The following PLCL1 variants were observed in gnomAD, a reference collection of about 807,000 sequenced individuals.
PLCL1 encodes inactive phospholipase C-like protein 1.
A neutral mutation model predicts 84.4 loss-of-function variants in PLCL1; 41 were observed. The ratio of observed to expected loss-of-function variants is 0.49; its 90% CI spans 0.38 to 0.63. The LOEUF (loss-of-function observed/expected upper bound fraction) is 0.63. Among genes scored for constraint, PLCL1 ranks in the 30% least tolerant of loss-of-function variants. The pLI, the probability that PLCL1 is intolerant of heterozygous loss-of-function variation, is 0.00. For synonymous variants in PLCL1, 490 were observed against 488.3 expected (o/e 1.00, Z -0.05); for missense variants, 1,206 against 1,367.8 (o/e 0.88, Z 1.87).
At chr2:197,815,423 C>T (rs937271506) in intron 1 of PLCL1, among the ~76,000 whole-genome samples, 2 of 152,152 alleles carry the variant, frequency 1.3e-5, no homozygotes, top group African/African-American at 4.8e-5. Flanking sequence ...GTGGACAATG[C>T]ACCTGGTCAC....
chr2:197,884,959 G>A (rs1232955276), intron 1 of PLCL1, among the ~76,000 whole-genome samples: 1 of 151,970 alleles, frequency 6.6e-6, no homozygotes, highest in Non-Finnish European at 1.5e-5. Flanking sequence ...AAAAATAAAT[G>A]TCACCTTCTT....
intron 1 of PLCL1, among the ~76,000 whole-genome samples, chr2:197,886,310 GCTGAGGCA>G (rs1687920734): frequency 6.6e-6 from 1 of 150,464 alleles, no homozygotes. Flanking sequence ...TACTCAGGAG[GCTGAGGCA>G]GGAGAATTGC....
intron 1 of PLCL1, among the ~76,000 whole-genome samples, chr2:197,920,410 G>C (rs1688680199): frequency 6.6e-6 from 1 of 151,872 alleles, no homozygotes; most frequent in African/African-American, 2.4e-5. Flanking sequence ...GGAAGACTGA[G>C]ATTTCTTTCT....
At chr2:198,135,412 T>C (rs531686600) in intron 5 of PLCL1, among the ~76,000 whole-genome samples, 1 of 152,302 alleles carries the variant, frequency 6.6e-6, no homozygotes, top group South Asian at 2.1e-4. Context: ...CAGAGGGAGA[T>C]GATCACAATA....
At chr2:197,852,958 A>G (rs1687266625) in intron 1 of PLCL1, among the ~76,000 whole-genome samples, 1 of 152,154 alleles carries the variant, frequency 6.6e-6, no homozygotes. Context: ...ATTACCATCC[A>G]TCTCCAGAAC....
In PLCL1 at chr2:197,805,141, C is replaced by T. The variant is rs936437449; in HGVS notation, c.42C>T (p.Pro14=). Reference sequence around the variant, plus strand: ...CCGGCAGGGAGGATCCGGCGCCGCCCGACGCGGCGGGGGGCGAAGACGACC... The same window carrying T: ...CCGGCAGGGAGGATCCGGCGCCGCCTGACGCGGCGGGGGGCGAAGACGACC... ...GAAGREDPAP[P]DAAGGEDDPR... The change falls in exon 1 of 6, where the codon CCC becomes CCT. Residue 14 remains proline (P), a synonymous_variant. Coordinates refer to ENST00000428675, the MANE Select transcript of PLCL1 (RefSeq NM_006226.4). This position sits in a 1 kb window ranked among gnomAD's most constrained non-coding sequence, Gnocchi z 4.0. 2.3e-6 allele frequency: 3 copies of T among 1,311,462 alleles called. No individual in the cohort carries two copies. The highest frequency in any genetic ancestry group is 8.3e-5 in the Admixed American group (2 of 23,962). 81.2% of individuals were successfully genotyped at this position (1,311,462 alleles called of 1,614,324 possible). A position where few individuals can be genotyped will look rare whatever the true frequency, so the allele number is the denominator to read the frequency against.
chr2:198,133,188 A>C (rs927060844), intron 5 of PLCL1, among the ~76,000 whole-genome samples: 3 of 152,032 alleles, frequency 2.0e-5, no homozygotes, highest in Non-Finnish European at 4.4e-5. Flanking sequence ...ATGGAATACT[A>C]TGCAGCCATA....
chr2:197,923,264 C>T (rs1688754448), intron 1 of PLCL1, among the ~76,000 whole-genome samples: 2 of 148,850 alleles, frequency 1.3e-5, no homozygotes, highest in African/African-American at 2.5e-5. Flanking sequence ...GCTGACCCCC[C>T]CCACCTCCCT....
At chr2:198,114,793 GAA>G (rs1693699829) in intron 5 of PLCL1, among the ~76,000 whole-genome samples, 1 of 63,904 alleles carries the variant, frequency 1.6e-5, no homozygotes, top group Non-Finnish European at 3.6e-5. Flanking sequence ...TCACTTCTCT[GAA>G]TGTGTGTGTG....
In PLCL1 at chr2:197,807,170, C is replaced by T. The variant is rs1049769117; in HGVS notation, c.240+1831C>T. Among the ~76,000 whole-genome samples the T allele has an allele frequency of 1.2e-4, 19 of 152,086 alleles. 1 individual carries two copies. The highest frequency in any genetic ancestry group is 2.2e-4 in the Non-Finnish European group (15 of 67,992). On this transcript the variant is annotated intron_variant, in intron 1 of 5. Coordinates refer to ENST00000428675, the MANE Select transcript of PLCL1 (RefSeq NM_006226.4). ...AGCACATACATATAATTTAAAAAATCAAATGTTGCAAAGGAGTGTGAAGGA... is the reference window on the plus strand; with the variant it reads ...AGCACATACATATAATTTAAAAAATTAAATGTTGCAAAGGAGTGTGAAGGA...
intron 1 of PLCL1, among the ~76,000 whole-genome samples, chr2:198,075,182 G>C (rs1186586829): frequency 6.6e-6 from 1 of 152,154 alleles, no homozygotes; most frequent in African/African-American, 2.4e-5. Flanking sequence ...GCTGTGCAGG[G>C]GTCTCCTGAG....
At chr2:197,918,109 A>T (rs1688630735) in intron 1 of PLCL1, among the ~76,000 whole-genome samples, 2 of 152,236 alleles carry the variant, frequency 1.3e-5, no homozygotes, top group Admixed American at 1.3e-4. Flanking sequence ...TATATTCTCT[A>T]TACATACATA....
At chr2:198,059,943 G>A (rs1375253393) in intron 1 of PLCL1, among the ~76,000 whole-genome samples, 2 of 152,260 alleles carry the variant, frequency 1.3e-5, no homozygotes, top group Admixed American at 6.5e-5. Flanking sequence ...AAGGTGTCAG[G>A]TTGGCAGGGC....
chr2:198,063,705 T>C (rs930569029), intron 1 of PLCL1, among the ~76,000 whole-genome samples: 1 of 152,224 alleles, frequency 6.6e-6, no homozygotes, highest in African/African-American at 2.4e-5. Context: ...CTTAGTTTTC[T>C]AAGAAAGAAA....
At chr2:198,082,366 C>T (rs899013066) in intron 1 of PLCL1, among the ~76,000 whole-genome samples, 1 of 152,034 alleles carries the variant, frequency 6.6e-6, no homozygotes, top group African/African-American at 2.4e-5. Context: ...ATCGCTTGAA[C>T]TCGGGAGGCG....
At chr2:197,991,165 A>G (rs188173031) in intron 1 of PLCL1, among the ~76,000 whole-genome samples, 4 of 152,270 alleles carry the variant, frequency 2.6e-5, no homozygotes, top group Admixed American at 1.3e-4. Flanking sequence ...TAGAACAAAA[A>G]CAAAGGAAAG....
intron 1 of PLCL1, among the ~76,000 whole-genome samples, chr2:197,895,648 C>T (rs1044290118): frequency 3.3e-5 from 5 of 151,926 alleles, no homozygotes; most frequent in Non-Finnish European, 4.4e-5. Flanking sequence ...TTTGCATACA[C>T]ATTTGGTAAA....
intron 1 of PLCL1, among the ~76,000 whole-genome samples, chr2:198,080,338 G>C (rs1028956134): frequency 6.6e-6 from 1 of 152,114 alleles, no homozygotes; most frequent in Non-Finnish European, 1.5e-5. Flanking sequence ...TACCAAGAAG[G>C]AAAACTGATA....
chr2:197,956,301 T>G (rs1016847368), intron 1 of PLCL1, among the ~76,000 whole-genome samples: 1 of 152,144 alleles, frequency 6.6e-6, no homozygotes, highest in Non-Finnish European at 1.5e-5. Flanking sequence ...TTTCCACATT[T>G]TCTTTATCCA....
Sources: gnomAD v4.1 joint callset for allele counts (sites outside exome capture counted in the v4.1 genomes callset) on GRCh38, gnomAD v4.1.1 for gene constraint, Gnocchi (gnomAD v3.1) non-coding constraint, MANE v1.5 for transcripts, NCBI Gene and HGNC (gene_info 2026-07-23, HGNC 2026-07-21) for gene names.